Variants in MCM2 observed in about 807,000 individuals in gnomAD.
MCM2 encodes DNA replication licensing factor MCM2.
In MCM2, 49 loss-of-function variants were observed where a neutral mutation model predicts 86.4. The ratio of observed to expected loss-of-function variants is 0.57; its 90% CI spans 0.45 to 0.72. MCM2 has a LOEUF of 0.72. Among genes scored for constraint, MCM2 ranks in the 30% least tolerant of loss-of-function variants. The pLI is 0.00. For synonymous variants in MCM2, 475 were observed against 484.6 expected (o/e 0.98, Z 0.26); for missense variants, 1,038 against 1,259.9 (o/e 0.82, Z 2.67).
chr3:127,618,302 C>T lies in MCM2; in HGVS notation c.2013+221C>T, dbSNP rs2074448858. 6.6e-6 allele frequency among the ~76,000 whole-genome samples: 1 copy of T among 152,124 alleles called. No homozygotes were observed. Among genetic ancestry groups the T allele is most frequent in the African/African-American group, 2.4e-5 (1 of 41,398 alleles). On this transcript the variant is annotated intron_variant, in intron 12 of 15. Transcript: ENST00000265056. This position sits in a 1 kb window ranked among gnomAD's most constrained non-coding sequence, Gnocchi z 4.0. ...CCCACCCTACATAACCCACAATCCACCAAATCCTGTTGTCCCAACTCCTGA... is the reference window on the plus strand; with the variant it reads ...CCCACCCTACATAACCCACAATCCATCAAATCCTGTTGTCCCAACTCCTGA...
chr3:127,604,683 G>T lies in MCM2; in HGVS notation c.312G>T (p.Glu104Asp). The change falls in exon 3 of 16, where the codon GAG becomes GAT. Residue 104 changes from glutamate (E) to aspartate (D), a missense_variant. Coordinates refer to ENST00000265056, the MANE Select transcript of MCM2 (RefSeq NM_004526.4). ...GLALDDEDVE[E>D]LTASQREAAE... is the part of the protein sequence containing the mutation. ...CTCTGGATGATGAGGACGTAGAGGA[G>T]CTGACGGCCAGTCAGAGGGAGGCAG... is the stretch of plus-strand genomic sequence containing the variant. The T allele has an allele frequency of 6.2e-7, 1 of 1,612,868 alleles. No individual in the cohort carries two copies.
chr3:127,610,136 G>T (rs1473318247), intron 8 of MCM2, among the ~76,000 whole-genome samples: 1 of 152,096 alleles, frequency 6.6e-6, no homozygotes, highest in African/African-American at 2.4e-5. Context: ...GAGGCACCAC[G>T]CCCGGCCTTC....
intron 3 of MCM2, 55 bp from the exon 4 acceptor site, chr3:127,604,841 G>A (rs778936407): frequency 6.3e-7 from 1 of 1,575,270 alleles, no homozygotes; most frequent in East Asian, 2.3e-5. Context: ...AGTCTGGGAG[G>A]GGAGTAGAAG....
Position 127,598,456 on chromosome 3 carries a change from G to T in MCM2, c.-11G>T, listed in dbSNP as rs536872686. 1.9e-6 allele frequency: 3 copies of T among 1,613,420 alleles called. No individual in the cohort carries two copies. In the South Asian group the frequency reaches 3.3e-5, roughly 18 times the overall value. On this transcript the variant is annotated 5_prime_UTR_variant, in exon 1 of 16. Coordinates refer to ENST00000265056, the MANE Select transcript of MCM2 (RefSeq NM_004526.4). ...TGTTGCTGTAGTGGCGGAGAGGATC[G>T]TGGTACTGCTATGGCGGTGAGCGCG... is the stretch of plus-strand genomic sequence containing the variant.
chr3:127,604,878 T>C lies in MCM2; in HGVS notation c.413-18T>C. On this transcript the variant is annotated intron_variant, in intron 3 of 15. Transcript: ENST00000265056. ...TGCTGGGGATGACCGCAGTAGCAGG[T>C]GTCTCTTGCCTCCCCAGACAGCGAT... The C allele has an allele frequency of 1.3e-6, 2 of 1,599,500 alleles. No homozygotes were observed. Among genetic ancestry groups the C allele is most frequent in the Non-Finnish European group, 1.7e-6 (2 of 1,173,084 alleles).
In MCM2 at chr3:127,617,655, C is replaced by T; in HGVS notation, c.1900+250C>T. ...TCTCAGAAGGCATGGGAGGAGAGCC[C>T]AGTGCCCCTCTGGCCAGGATGGAGT... is the stretch of plus-strand genomic sequence containing the variant. On this transcript the variant is annotated intron_variant, in intron 11 of 15. Coordinates refer to ENST00000265056, the MANE Select transcript of MCM2 (RefSeq NM_004526.4). The surrounding 1 kb of genome is among the most constrained non-coding windows in gnomAD (Gnocchi z 4.1). The T allele has an allele frequency of 5.0e-6, 3 of 603,520 alleles. No individual in the cohort carries two copies. Among genetic ancestry groups the T allele is most frequent in the Non-Finnish European group, 8.7e-6 (3 of 343,922 alleles). The allele number at this position is 603,520 out of a possible 1,614,324, so 37.4% of individuals were successfully genotyped here. A position where few individuals can be genotyped will look rare whatever the true frequency, so the allele number is the denominator to read the frequency against.
intron 13 of MCM2, 33 bp from the exon 14 acceptor site, chr3:127,620,665 C>T: frequency 6.5e-7 from 1 of 1,541,138 alleles, no homozygotes; most frequent in Non-Finnish European, 8.8e-7. Flanking sequence ...TCTTTCCTGC[C>T]CGTGAAAGAC....
intron 13 of MCM2, 31 bp from the exon 14 acceptor site, chr3:127,620,667 G>A (rs535671608): frequency 1.8e-5 from 28 of 1,544,386 alleles, no homozygotes; most frequent in Admixed American, 7.9e-5. Context: ...TTTCCTGCCC[G>A]TGAAAGACCT....
At position 127,609,782 on chromosome 3, in the gene MCM2, A is replaced by G. The variant is rs538466010; in HGVS notation, c.1428+759A>G. 1.1e-4 allele frequency among the ~76,000 whole-genome samples: 16 copies of G among 151,168 alleles called. 1 individual carries two copies. In the East Asian group the frequency reaches 2.5e-3, roughly 24 times the overall value. On this transcript the variant is annotated intron_variant, in intron 8 of 15. Coordinates refer to ENST00000265056, the MANE Select transcript of MCM2 (RefSeq NM_004526.4). ...GCCCCCAGAGCACCGTGTGTTCTCA[A>G]GCTCGCTGCTCTCCCCTTTCTCTTC...
chr3:127,603,697 T>C (rs1237362156), intron 2 of MCM2, among the ~76,000 whole-genome samples: 1 of 151,972 alleles, frequency 6.6e-6, no homozygotes, highest in East Asian at 1.9e-4. Flanking sequence ...TCTCACTCTG[T>C]TGCGACCAGG....
chr3:127,607,717 G>T (rs746183837), intron 6 of MCM2, among the ~76,000 whole-genome samples: 4 of 152,188 alleles, frequency 2.6e-5, no homozygotes, highest in Non-Finnish European at 4.4e-5. Context: ...CCAGGTGGTG[G>T]GTGGTTTATT....
intron 9 of MCM2, among the ~76,000 whole-genome samples, chr3:127,616,412 T>C (rs1209015059): frequency 6.6e-6 from 1 of 152,180 alleles, no homozygotes; most frequent in Non-Finnish European, 1.5e-5. Flanking sequence ...CAGGGTTTCA[T>C]GACTACACGT....
intron 6 of MCM2, among the ~76,000 whole-genome samples, chr3:127,607,805 A>T (rs947709337): frequency 6.6e-6 from 1 of 152,158 alleles, no homozygotes; most frequent in Non-Finnish European, 1.5e-5. Context: ...GAACTGGCTG[A>T]GGTCACCCAA....
Position 127,618,940 on chromosome 3 carries a change from G to A in MCM2, c.2014-87G>A. 7.2e-7 allele frequency: 1 copy of A among 1,396,876 alleles called. No individual in the cohort carries two copies. The highest frequency in any genetic ancestry group is 2.5e-5 in the East Asian group (1 of 39,940). The allele number at this position is 1,396,876 out of a possible 1,614,324, so 86.5% of individuals were successfully genotyped here. ...TTGTTGAAAGAGTGTCACCCTTGTAGGGCACACTCAGCCCTTCTCCAGCCA... is the reference window on the plus strand; with the variant it reads ...TTGTTGAAAGAGTGTCACCCTTGTAAGGCACACTCAGCCCTTCTCCAGCCA... On this transcript the variant is annotated intron_variant, in intron 12 of 15. Coordinates refer to ENST00000265056, the MANE Select transcript of MCM2 (RefSeq NM_004526.4). The surrounding 1 kb of genome is among the most constrained non-coding windows in gnomAD (Gnocchi z 4.0).
intron 8 of MCM2, 135 bp downstream of exon 8, chr3:127,609,158 G>A (rs948275843): frequency 3.3e-6 from 3 of 897,046 alleles, no homozygotes; most frequent in African/African-American, 3.3e-5. Flanking sequence ...AGCTTGTCTG[G>A]AAGGGAGGCC....
At position 127,606,876 on chromosome 3, in the gene MCM2, C is replaced by A; in HGVS notation, c.1101+59C>A. ...CCTTAGGGGTGCCCAGTATGCAGGACCTGACTGGCCTCTCAGGCTGTGGAA... is the reference window on the plus strand; with the variant it reads ...CCTTAGGGGTGCCCAGTATGCAGGAACTGACTGGCCTCTCAGGCTGTGGAA... On this transcript the variant is annotated intron_variant, in intron 6 of 15. Coordinates refer to ENST00000265056, the MANE Select transcript of MCM2 (RefSeq NM_004526.4). The surrounding 1 kb of genome is among the most constrained non-coding windows in gnomAD (Gnocchi z 4.2). 6.6e-7 allele frequency: 1 copy of A among 1,525,264 alleles called. No homozygotes were observed. The highest frequency in any genetic ancestry group is 1.1e-5 in the South Asian group (1 of 88,984). The allele number at this position is 1,525,264 out of a possible 1,614,324, so 94.5% of individuals were successfully genotyped here.
rs558806976 is a variant in MCM2, at chr3:127,606,686, A to C, written c.970A>C (p.Met324Leu). ...CACTGGCGTCCTGCCCCAGCTCAGC[A>C]TGGTCAAGTACAACTGCAACAAGTG... ...SCTGVLPQLS[M>L]VKYNCNKCNF... The change falls in exon 6 of 16, where the codon ATG becomes CTG. Residue 324 changes from methionine to leucine, a missense_variant. Coordinates refer to ENST00000265056, the MANE Select transcript of MCM2 (RefSeq NM_004526.4). This position sits in a 1 kb window ranked among gnomAD's most constrained non-coding sequence, Gnocchi z 4.2. The C allele has an allele frequency of 1.4e-5, 22 of 1,614,246 alleles. No individual in the cohort carries two copies. The East Asian group carries it at 4.7e-4, about 34-fold the overall frequency.
In MCM2 at chr3:127,603,549, G is replaced by A. The variant is rs886456352; in HGVS notation, c.237-1059G>A. Among the ~76,000 whole-genome samples, 5 of 152,110 alleles carry A rather than the reference G, an allele frequency of 3.3e-5. No individual in the cohort carries two copies. In the East Asian group the frequency reaches 5.8e-4, roughly 18 times the overall value. On this transcript the variant is annotated intron_variant, in intron 2 of 15. Transcript: ENST00000265056. ...CACCCAGGCTGGAATGCAGTGGCAC[G>A]AACGTGGCTCACTGCAGCCTTGAAC...
At chr3:127,612,125 C>T (rs2074403286) in intron 8 of MCM2, among the ~76,000 whole-genome samples, 2 of 152,328 alleles carry the variant, frequency 1.3e-5, no homozygotes, top group Admixed American at 6.5e-5. Flanking sequence ...GCTCTGTGTT[C>T]CTCTCTGGTA....
Sources: allele counts gnomAD v4.1 joint callset (sites outside exome capture counted in the v4.1 genomes callset), GRCh38; gene constraint gnomAD v4.1.1; non-coding constraint Gnocchi (gnomAD v3.1); transcripts MANE v1.5; gene names NCBI Gene and HGNC (gene_info 2026-07-23, HGNC 2026-07-21).